GNG7: variants seen among roughly 807,000 people sequenced by gnomAD.
GNG7 encodes G protein subunit gamma 7.
In GNG7, 1 loss-of-function variant was observed where a neutral mutation model predicts 4.0. The ratio of observed to expected loss-of-function variants is 0.25; its 90% confidence interval spans 0.09 to 1.18. The LOEUF (loss-of-function observed/expected upper bound fraction) is 1.18, where lower values mean the gene tolerates loss of function less well. Ranked by LOEUF, GNG7 falls within the 50% of genes most tolerant of loss-of-function variation. The pLI is 0.50. For synonymous variants in GNG7, 34 were observed against 36.9 expected, an observed-to-expected ratio of 0.92 and a Z score of 0.29; for missense variants, 86 against 91.9, an observed-to-expected ratio of 0.94 and a Z score of 0.26.
At chr19:2,651,245 T>TTTCCTTCC (rs1229197006) in intron 1 of GNG7, among the ~76,000 whole-genome samples, 41 of 87,212 alleles carry the variant, frequency 4.7e-4, no homozygotes, top group African/African-American at 9.4e-4. Flanking sequence ...CCTTCCTTCC[T>TTTCCTTCC]TTCCTTCCTT....
At chr19:2,661,329 A>G (rs1211818759) in intron 1 of GNG7, among the ~76,000 whole-genome samples, 1 of 146,644 alleles carries the variant, frequency 6.8e-6, no homozygotes, top group African/African-American at 2.6e-5. Flanking sequence ...AGAAAGAAAG[A>G]AAGAAAGAAA....
intron 2 of GNG7, among the ~76,000 whole-genome samples, chr19:2,563,208 A>C (rs1233932096): frequency 6.6e-6 from 1 of 151,552 alleles, no homozygotes; most frequent in African/African-American, 2.4e-5. Context: ...TCAGCCTCCC[A>C]AAGTGCTGGG....
At chr19:2,701,990 C>G (rs554319094) in intron 1 of GNG7, among the ~76,000 whole-genome samples, 1 of 149,398 alleles carries the variant, frequency 6.7e-6, no homozygotes, top group Non-Finnish European at 1.5e-5. Context: ...CTAGCCCCCT[C>G]CCCAGCAAAC....
rs1395971279 is a variant in GNG7, at chr19:2,539,074, G to A, written c.-38+16075C>T. Among the ~76,000 whole-genome samples the A allele has an allele frequency of 2.6e-5, 4 of 152,154 alleles. No individual in the cohort carries two copies. In the East Asian group the frequency reaches 5.8e-4, roughly 22 times the overall value. ...GCGTGAGCCACGGCACCCAGCCCTA[G>A]ATTGTTAAATAAATTATAATAAACT... On this transcript the variant is annotated intron_variant, in intron 3 of 4. Transcript: ENST00000382159.
intron 1 of GNG7, among the ~76,000 whole-genome samples, chr19:2,671,834 G>A (rs932231873): frequency 6.6e-6 from 1 of 151,540 alleles, no homozygotes; most frequent in Non-Finnish European, 1.5e-5. Context: ...GGTGGATCAC[G>A]AGGTCAGCAG....
At chr19:2,538,352 G>A (rs1341917701) in intron 3 of GNG7, 2 of 448,564 alleles carry the variant, frequency 4.5e-6, no homozygotes, top group Non-Finnish European at 9.0e-6. Context: ...AGCAGTGGTG[G>A]TGACTCATGC....
intron 1 of GNG7, among the ~76,000 whole-genome samples, chr19:2,649,483 A>G (rs62119812): frequency 0.47 from 71,250 of 150,762 alleles, 16,846 homozygotes; most frequent in East Asian, 0.54. Flanking sequence ...TCCACCTCCC[A>G]GGTTCAAGCA....
chr19:2,554,559 A>ATATAT (rs1196558078), intron 3 of GNG7, among the ~76,000 whole-genome samples: 33 of 130,138 alleles, frequency 2.5e-4, no homozygotes, highest in African/African-American at 5.0e-4. Flanking sequence ...ATATATATAT[A>ATATAT]TTTTTTTTTT....
intron 1 of GNG7, among the ~76,000 whole-genome samples, chr19:2,697,794 C>T (rs375000372): frequency 1.1e-4 from 16 of 151,244 alleles, no homozygotes; most frequent in Middle Eastern, 3.4e-3. Context: ...CGTCCCCCCC[C>T]CCGCCCGTCT....
intron 2 of GNG7, among the ~76,000 whole-genome samples, chr19:2,577,269 G>A (rs934797280): frequency 4.6e-5 from 7 of 152,202 alleles, no homozygotes; most frequent in Admixed American, 4.6e-4. Flanking sequence ...CTGCAGTCTG[G>A]GTGTTGGTTG....
In GNG7 at chr19:2,614,878, G is replaced by A. The variant is rs941512965; in HGVS notation, c.-78+31346C>T. 2.6e-5 allele frequency among the ~76,000 whole-genome samples: 4 copies of A among 152,226 alleles called. No individual in the cohort carries two copies. The highest frequency in any genetic ancestry group is 5.9e-5 in the Non-Finnish European group (4 of 68,052). On this transcript the variant is annotated intron_variant, in intron 2 of 4. Transcript: ENST00000382159. This position sits in a 1 kb window ranked among gnomAD's most constrained non-coding sequence, Gnocchi z 6.0. ...AACCACCAGACTGGTTTCCAAGGCG[G>A]CTGCCCCATCTTGCATCACACATCA...
chr19:2,598,682 A>AT (rs1981107442), intron 2 of GNG7, among the ~76,000 whole-genome samples: 1 of 35,276 alleles, frequency 2.8e-5, no homozygotes, highest in Non-Finnish European at 7.1e-5. Flanking sequence ...TAATAAAATA[A>AT]TAATAATAAT....
intron 1 of GNG7, among the ~76,000 whole-genome samples, chr19:2,698,942 T>A (rs1045884928): frequency 1.3e-5 from 2 of 152,198 alleles, no homozygotes; most frequent in African/African-American, 4.8e-5. Flanking sequence ...AAGGATGTTT[T>A]CTAAATAAAG....
chr19:2,634,431 G>C lies in GNG7; in HGVS notation c.-78+11793C>G, dbSNP rs1246701958. 6.6e-6 allele frequency among the ~76,000 whole-genome samples: 1 copy of C among 152,190 alleles called. No individual in the cohort carries two copies. Among genetic ancestry groups the C allele is most frequent in the East Asian group, 1.9e-4 (1 of 5,186 alleles). ...CATCACCCAGATGACCCCTGCTATA[G>C]AGGGTCAAGGTCATGTCCAAGCTCT... On this transcript the variant is annotated intron_variant, in intron 2 of 4. Transcript: ENST00000382159. The surrounding 1 kb of genome is among the most constrained non-coding windows in gnomAD (Gnocchi z 5.3).
At chr19:2,644,328 T>C (rs1295759383) in intron 2 of GNG7, among the ~76,000 whole-genome samples, 1 of 1,970 alleles carries the variant, frequency 5.1e-4, no homozygotes. Flanking sequence ...GCCTACACTT[T>C]ATATATATAT....
intron 1 of GNG7, among the ~76,000 whole-genome samples, chr19:2,661,207 GT>G (rs1330028254): frequency 1.7e-5 from 2 of 117,288 alleles, no homozygotes; most frequent in African/African-American, 6.4e-5. Flanking sequence ...GCAAAACTCT[GT>G]CTCAAAAAAA....
intron 2 of GNG7, among the ~76,000 whole-genome samples, chr19:2,601,381 C>T (rs73526855): frequency 0.032 from 4,857 of 152,210 alleles, 215 homozygotes; most frequent in African/African-American, 0.11. Flanking sequence ...TGTGTTTCCC[C>T]AGCCATGTGG....
chr19:2,687,382 C>T (rs796605421), intron 1 of GNG7, among the ~76,000 whole-genome samples: 21 of 152,050 alleles, frequency 1.4e-4, no homozygotes, highest in African/African-American at 4.1e-4. Flanking sequence ...TTTGGGAGGC[C>T]GAGGCGGGTG....
chr19:2,573,183 G>A (rs987179047), intron 2 of GNG7, among the ~76,000 whole-genome samples: 7 of 151,022 alleles, frequency 4.6e-5, no homozygotes, highest in Non-Finnish European at 8.9e-5. Flanking sequence ...CACCACACCC[G>A]GCTAATTTTT....
Sources: gnomAD v4.1 joint callset for allele counts (sites outside exome capture counted in the v4.1 genomes callset) on GRCh38, gnomAD v4.1.1 for gene constraint, Gnocchi (gnomAD v3.1) non-coding constraint, MANE v1.5 for transcripts, NCBI Gene and HGNC (gene_info 2026-07-23, HGNC 2026-07-21) for gene names.